The following DGKH variants were observed in gnomAD, a reference collection of about 807,000 sequenced individuals.
DGKH encodes diacylglycerol kinase eta.
In DGKH, 90 loss-of-function variants were observed where a neutral mutation model predicts 159.3. The observed-to-expected ratio is 0.57, with a 90% CI of 0.48 to 0.67. DGKH has a LOEUF of 0.67. DGKH is among the 30% of genes least tolerant of loss of function. The pLI is 0.00. For missense variants in DGKH, 1,181 were observed against 1,506.1 expected, an observed-to-expected ratio of 0.78 and a Z score of 3.57; for synonymous variants, 536 against 553.8, an observed-to-expected ratio of 0.97 and a Z score of 0.45.
intron 1 of DGKH, among the ~76,000 whole-genome samples, chr13:42,067,056 A>G (rs1882631646): frequency 1.3e-5 from 2 of 152,188 alleles, no homozygotes; most frequent in Admixed American, 1.3e-4. Context: ...AGAAGCACAC[A>G]TAAAATGAAA....
At chr13:42,107,792 G>C (rs1954788475) in intron 1 of DGKH, among the ~76,000 whole-genome samples, 1 of 152,004 alleles carries the variant, frequency 6.6e-6, no homozygotes, top group Non-Finnish European at 1.5e-5. Flanking sequence ...TGGAGACCTT[G>C]AGTGTGCTGT....
downstream of DGKH, among the ~76,000 whole-genome samples, chr13:42,245,879 A>G (rs377502836): frequency 4.9e-4 from 75 of 152,200 alleles, no homozygotes; most frequent in Non-Finnish European, 7.4e-5. Context: ...CATCTACATC[A>G]TGACCCTGAG....
chr13:42,120,638 A>G (rs1314434165), intron 1 of DGKH, among the ~76,000 whole-genome samples: 1 of 152,220 alleles, frequency 6.6e-6, no homozygotes. Flanking sequence ...CCATAACCAT[A>G]TTAAGGATAT....
chr13:42,048,967 T>C lies in DGKH; in HGVS notation c.192+2T>C. On this transcript the variant is annotated splice_donor_variant, in intron 1 of 29. Coordinates refer to ENST00000337343, the MANE Select transcript of DGKH (RefSeq NM_178009.5). LOFTEE classifies it high-confidence loss of function. The surrounding 1 kb of genome is among the most constrained non-coding windows in gnomAD (Gnocchi z 6.7). ...ACCTCGGGGCAGATCCGGACCAAGG[T>C]AGGGCGGAGGAGGCGGGCCTGAGGG... 7.8e-7 allele frequency: 1 copy of C among 1,286,766 alleles called. No individual in the cohort carries two copies. Among genetic ancestry groups the C allele is most frequent in the Admixed American group, 3.5e-5 (1 of 28,656 alleles). 79.7% of individuals were successfully genotyped at this position (1,286,766 alleles called of 1,614,324 possible).
chr13:42,189,829 G>C (rs1957020567), intron 15 of DGKH, among the ~76,000 whole-genome samples: 2 of 152,016 alleles, frequency 1.3e-5, no homozygotes, highest in South Asian at 2.1e-4. Flanking sequence ...GCCATACCCA[G>C]CTAATTTTTT....
At chr13:42,145,142 A>G (rs886801397) in intron 3 of DGKH, among the ~76,000 whole-genome samples, 7 of 152,214 alleles carry the variant, frequency 4.6e-5, no homozygotes, top group African/African-American at 1.2e-4. Flanking sequence ...GAGATTTTCT[A>G]TTTACTGGTT....
Position 42,238,317 on chromosome 13 carries a change from C to G in DGKH, c.*9129C>G, listed in dbSNP as rs1343170716. On this transcript the variant is annotated 3_prime_UTR_variant, in exon 30 of 30. Coordinates refer to ENST00000337343, the MANE Select transcript of DGKH (RefSeq NM_178009.5). ...ATGAAAGTAAAGTTAAAATTAGTAGCATTTGTACCAGAGTAGATTATGGGT... is the reference window on the plus strand; with the variant it reads ...ATGAAAGTAAAGTTAAAATTAGTAGGATTTGTACCAGAGTAGATTATGGGT... The G allele has an allele frequency of 6.6e-6, 1 of 152,044 alleles. No individual in the cohort carries two copies. The highest frequency in any genetic ancestry group is 1.5e-5 in the Non-Finnish European group (1 of 67,988). 9.4% of individuals were successfully genotyped at this position (152,044 alleles called of 1,614,324 possible). A position where few individuals can be genotyped will look rare whatever the true frequency, so the allele number is the denominator to read the frequency against.
chr13:42,167,588 GTCT>G (rs1021293249), intron 9 of DGKH, among the ~76,000 whole-genome samples: 5 of 151,898 alleles, frequency 3.3e-5, no homozygotes, highest in Admixed American at 6.6e-5. Flanking sequence ...ATGGATGTTG[GTCT>G]TCTTCATTTA....
At chr13:42,069,417 T>A in intron 1 of DGKH, 1 of 1,542,444 alleles carries the variant, frequency 6.5e-7, no homozygotes, top group Non-Finnish European at 8.8e-7. Context: ...CAATTCTAGT[T>A]GGGACACTGA....
intron 27 of DGKH, 135 bp from the exon 28 acceptor site, chr13:42,219,551 C>G: frequency 8.4e-7 from 1 of 1,197,360 alleles, no homozygotes; most frequent in Non-Finnish European, 1.2e-6. Context: ...ACATTGTGAA[C>G]TTTTTTTGAA....
At chr13:42,218,641 T>C (rs1200392843) in intron 26 of DGKH, among the ~76,000 whole-genome samples, 1 of 151,906 alleles carries the variant, frequency 6.6e-6, no homozygotes, top group Non-Finnish European at 1.5e-5. Context: ...CCCAAGGAGC[T>C]GGGATTACAG....
At chr13:42,254,424 G>A (rs1032726140) in intron 30 of DGKH, among the ~76,000 whole-genome samples, 6 of 152,042 alleles carry the variant, frequency 3.9e-5, no homozygotes, top group Non-Finnish European at 8.8e-5. Flanking sequence ...CTGAGGTCAG[G>A]AGTTCAAGAC....
intron 26 of DGKH, among the ~76,000 whole-genome samples, chr13:42,217,917 C>T (rs1957844639): frequency 6.6e-6 from 1 of 152,106 alleles, no homozygotes; most frequent in Non-Finnish European, 1.5e-5. Context: ...GCCTGTAAAC[C>T]CAGCTACTTT....
chr13:42,163,783 T>C (rs542700018), intron 7 of DGKH, among the ~76,000 whole-genome samples: 64 of 151,470 alleles, frequency 4.2e-4, no homozygotes, highest in Non-Finnish European at 7.6e-4. Context: ...GATGAGTAGG[T>C]TGCGAAAATT....
intron 3 of DGKH, among the ~76,000 whole-genome samples, chr13:42,134,458 T>C (rs1442773494): frequency 6.6e-6 from 1 of 152,244 alleles, no homozygotes; most frequent in African/African-American, 2.4e-5. Flanking sequence ...AGTTTTCTAT[T>C]GCTGTATAAC....
chr13:42,222,586 C>T lies in DGKH; in HGVS notation c.3573+1192C>T, dbSNP rs184449065. ...GTTGGCTTCCAAGCTTGAAATGAGT[C>T]CACAAAAAAGTAAATGTAGGGGGGA... is the stretch of plus-strand genomic sequence containing the variant. On this transcript the variant is annotated intron_variant, in intron 29 of 29. Transcript: ENST00000337343. 7.2e-5 allele frequency among the ~76,000 whole-genome samples: 11 copies of T among 152,154 alleles called. 1 individual carries two copies. The highest frequency in any genetic ancestry group is 2.6e-4 in the African/African-American group (11 of 41,526).
intron 1 of DGKH, among the ~76,000 whole-genome samples, chr13:42,061,261 C>G (rs1256557290): frequency 6.6e-6 from 1 of 152,184 alleles, no homozygotes; most frequent in East Asian, 1.9e-4. Flanking sequence ...TCTGCGCCAT[C>G]TTGTCTGCTC....
At chr13:42,103,218 T>G (rs1386202363) in intron 1 of DGKH, among the ~76,000 whole-genome samples, 2 of 152,190 alleles carry the variant, frequency 1.3e-5, no homozygotes, top group East Asian at 3.8e-4. Flanking sequence ...TGGAGAATGC[T>G]ACTTGAATGC....
chr13:42,079,357 A>G (rs995057766), intron 1 of DGKH, among the ~76,000 whole-genome samples: 1 of 152,154 alleles, frequency 6.6e-6, no homozygotes, highest in Non-Finnish European at 1.5e-5. Context: ...CATTACATGC[A>G]CAGATTGCAT....
Sources: allele counts gnomAD v4.1 joint callset (sites outside exome capture counted in the v4.1 genomes callset), GRCh38; gene constraint gnomAD v4.1.1; non-coding constraint Gnocchi (gnomAD v3.1); transcripts MANE v1.5; gene names NCBI Gene and HGNC (gene_info 2026-07-23, HGNC 2026-07-21).